EHMT1: variants seen among roughly 807,000 people sequenced by gnomAD.
EHMT1 encodes the protein euchromatic histone lysine methyltransferase 1.
Under a neutral mutation model 147.2 loss-of-function variants are expected in EHMT1, and 15 were observed. The observed-to-expected ratio is 0.10, with a 90% CI of 0.07 to 0.16. The LOEUF (loss-of-function observed/expected upper bound fraction) is 0.16. EHMT1 is among the 10% of genes least tolerant of loss of function. EHMT1 has a pLI of 1.00. For missense variants in EHMT1, 1,587 were observed against 1,772.4 expected, an observed-to-expected ratio of 0.90 and a Z score of 1.88; for synonymous variants, 795 against 709.6, an observed-to-expected ratio of 1.12 and a Z score of -1.91.
intron 1 of EHMT1, among the ~76,000 whole-genome samples, chr9:137,669,912 G>A (rs1029276831): frequency 6.6e-6 from 1 of 152,002 alleles, no homozygotes; most frequent in Non-Finnish European, 1.5e-5. Context: ...GTGCAATGGC[G>A]TAATCTCGGC....
intron 6 of EHMT1, among the ~76,000 whole-genome samples, chr9:137,748,337 C>T (rs1948712191): frequency 1.3e-5 from 2 of 152,136 alleles, no homozygotes; most frequent in South Asian, 2.1e-4. Flanking sequence ...TCAGAGTGTG[C>T]GGGGCCTTAG....
intron 6 of EHMT1, among the ~76,000 whole-genome samples, chr9:137,744,693 T>C (rs931409734): frequency 1.3e-5 from 2 of 152,258 alleles, no homozygotes; most frequent in Admixed American, 1.3e-4. Flanking sequence ...GGCGGCTTGC[T>C]GTGTGCTCGT....
At chr9:137,779,443 G>A (rs1045659004) in intron 13 of EHMT1, among the ~76,000 whole-genome samples, 192 bp from the exon 14 acceptor site, 7 of 152,274 alleles carry the variant, frequency 4.6e-5, no homozygotes, top group African/African-American at 1.4e-4. Context: ...CGACTGGTGG[G>A]TTTGCACTTG....
chr9:137,817,155 G>T (rs900061368), intron 23 of EHMT1: 19 of 507,548 alleles, frequency 3.7e-5, no homozygotes, highest in Non-Finnish European at 6.8e-5. Flanking sequence ...AGTGGCCCAG[G>T]CCCAGCTCTG....
At chr9:137,832,643 C>G (rs60083497) in intron 25 of EHMT1, 2 of 153,550 alleles carry the variant, frequency 1.3e-5, no homozygotes, top group Non-Finnish European at 2.9e-5. Flanking sequence ...TCCAGCCGTC[C>G]TTCTCTGGAC....
At chr9:137,677,678 A>G (rs1489845850) in intron 1 of EHMT1, among the ~76,000 whole-genome samples, 4 of 152,112 alleles carry the variant, frequency 2.6e-5, no homozygotes, top group Non-Finnish European at 5.9e-5. Context: ...AGAGTCAGCC[A>G]CAGTGGTGTT....
rs978302901 is a variant in EHMT1 at position 137,776,435 on chromosome 9, C to G, written c.1792-183C>G. ...GCTTCTTCTCTGTGGGGCGAGAGCA[C>G]CACGGGAAGCATCGTTCCTCCTTCT... On this transcript the variant is annotated intron_variant, in intron 11 of 26. Transcript: ENST00000460843. The surrounding 1 kb of genome is among the most constrained non-coding windows in gnomAD (Gnocchi z 4.4). 6 of 604,096 alleles carry G rather than the reference C, an allele frequency of 9.9e-6. No homozygotes were observed. The highest frequency in any genetic ancestry group is 9.2e-5 in the African/African-American group (5 of 54,274). The allele number at this position is 604,096 out of a possible 1,614,324, so 37.4% of individuals were successfully genotyped here. A position where few individuals can be genotyped will look rare whatever the true frequency, so the allele number is the denominator to read the frequency against.
At chr9:137,769,880 A>G (rs1950483262) in intron 10 of EHMT1, among the ~76,000 whole-genome samples, 1 of 152,010 alleles carries the variant, frequency 6.6e-6, no homozygotes, top group African/African-American at 2.4e-5. Flanking sequence ...TTTGTCACCC[A>G]GGCTGGAGTT....
intron 1 of EHMT1, among the ~76,000 whole-genome samples, chr9:137,623,494 A>C (rs574401053): frequency 1.3e-5 from 2 of 151,618 alleles, no homozygotes; most frequent in African/African-American, 2.4e-5. Flanking sequence ...TGCTAACTGC[A>C]GCCTCCGCCT....
chr9:137,819,775 T>C (rs1419303678), intron 25 of EHMT1, among the ~76,000 whole-genome samples: 4 of 151,850 alleles, frequency 2.6e-5, no homozygotes, highest in African/African-American at 7.3e-5. Flanking sequence ...ACACGTCCCT[T>C]GTGTCCCCAG....
At chr9:137,641,287 G>T (rs1351177298) in intron 1 of EHMT1, 22 of 439,096 alleles carry the variant, frequency 5.0e-5, no homozygotes, top group Non-Finnish European at 8.7e-5. Flanking sequence ...TTTGATTTCC[G>T]TGGACTTTGA....
intron 14 of EHMT1, among the ~76,000 whole-genome samples, chr9:137,781,759 A>C (rs965934125): frequency 6.6e-6 from 1 of 152,214 alleles, no homozygotes; most frequent in African/African-American, 2.4e-5. Context: ...AGTAAAAAGA[A>C]GTGAAACTAT....
chr9:137,811,332 C>T, intron 18 of EHMT1, 129 bp from the exon 19 acceptor site: 1 of 1,312,860 alleles, frequency 7.6e-7, no homozygotes, highest in Middle Eastern at 2.6e-4. Flanking sequence ...TCCACCTGGC[C>T]CTGCTGCGGA....
At chr9:137,796,094 TC>T (rs1357664618) in intron 16 of EHMT1, among the ~76,000 whole-genome samples, 2 of 152,206 alleles carry the variant, frequency 1.3e-5, no homozygotes, top group Non-Finnish European at 2.9e-5. Context: ...AGCCATGTCT[TC>T]CTGCAGCACT....
intron 1 of EHMT1, among the ~76,000 whole-genome samples, chr9:137,699,590 G>T (rs940202100): frequency 7.2e-5 from 11 of 151,950 alleles, no homozygotes; most frequent in African/African-American, 2.7e-4. Flanking sequence ...CAAGAGAATC[G>T]CTTGAGCCCA....
At chr9:137,741,165 A>G (rs1227718342) in intron 4 of EHMT1, among the ~76,000 whole-genome samples, 1 of 151,828 alleles carries the variant, frequency 6.6e-6, no homozygotes, top group Non-Finnish European at 1.5e-5. Flanking sequence ...TTTAGTAGAG[A>G]CGGGGTTTCA....
intron 15 of EHMT1, chr9:137,784,972 T>A (rs1240821872): frequency 1.3e-5 from 2 of 151,442 alleles, no homozygotes; most frequent in African/African-American, 4.9e-5. Context: ...GGGAACAGGC[T>A]TGTGGGAGGG....
At chr9:137,704,855 CCTTT>C (rs891167120) in intron 1 of EHMT1, among the ~76,000 whole-genome samples, 2 of 129,462 alleles carry the variant, frequency 1.5e-5, no homozygotes, top group African/African-American at 5.8e-5. Flanking sequence ...CCTTCCCTTT[CCTTT>C]CTTTGTTCCT....
chr9:137,803,217 T>A, intron 18 of EHMT1: 1 of 1,153,452 alleles, frequency 8.7e-7, no homozygotes, highest in Non-Finnish European at 1.1e-6. Flanking sequence ...ACTTCATTAA[T>A]TTAACCACTT....
Sources: gnomAD v4.1 joint callset for allele counts (sites outside exome capture counted in the v4.1 genomes callset) on GRCh38, gnomAD v4.1.1 for gene constraint, Gnocchi (gnomAD v3.1) non-coding constraint, MANE v1.5 for transcripts, NCBI Gene and HGNC (gene_info 2026-07-23, HGNC 2026-07-21) for gene names.